RBFOX3: variants seen among roughly 807,000 people sequenced by gnomAD.
The protein encoded by RBFOX3 is RNA binding protein fox-1 homolog 3.
In RBFOX3, 17 loss-of-function variants were observed where a neutral mutation model predicts 48.7. The ratio of observed to expected loss-of-function variants is 0.35; its 90% CI spans 0.24 to 0.52. RBFOX3 has a LOEUF of 0.52. RBFOX3 is among the 20% of genes least tolerant of loss of function. The probability of loss-of-function intolerance (pLI) is 0.94; values close to 1 mark genes in which losing one functional copy is unlikely to be tolerated. For synonymous variants in RBFOX3, 212 were observed against 209.5 expected, an observed-to-expected ratio of 1.01 and a Z score of -0.10; for missense variants, 382 against 497.5, an observed-to-expected ratio of 0.77 and a Z score of 2.21.
At chr17:79,104,924 A>ACGGTGACCTGAACCCAGGCCCTGC (rs55759994) in intron 6 of RBFOX3, among the ~76,000 whole-genome samples, 142,267 of 152,100 alleles carry the variant, frequency 0.94, 66,778 homozygotes, top group Non-Finnish European at 0.98. Context: ...GTGCTGAGCA[A>ACGGTGACCTGAACCCAGGCCCTGC]CTGTTCAGGT....
chr17:79,465,083 C>T (rs1219498389), intron 2 of RBFOX3, among the ~76,000 whole-genome samples: 2 of 152,184 alleles, frequency 1.3e-5, no homozygotes, highest in African/African-American at 2.4e-5. Context: ...CTGCAAACCC[C>T]GAGTTAAACC....
chr17:79,544,990 A>AG, intron 1 of RBFOX3, among the ~76,000 whole-genome samples: 1 of 151,202 alleles, frequency 6.6e-6, no homozygotes, highest in African/African-American at 2.4e-5. Context: ...AAAAAAAAAA[A>AG]AAAAGAGAAA....
intron 3 of RBFOX3, among the ~76,000 whole-genome samples, chr17:79,268,506 C>A (rs951623970): frequency 1.6e-4 from 24 of 152,188 alleles, no homozygotes; most frequent in Non-Finnish European, 2.8e-4. Context: ...GGGGACGTCT[C>A]TTCTGCCCTC....
At chr17:79,266,443 G>T (rs2066720260) in intron 3 of RBFOX3, among the ~76,000 whole-genome samples, 1 of 152,164 alleles carries the variant, frequency 6.6e-6, no homozygotes, top group Non-Finnish European at 1.5e-5. Flanking sequence ...TTTCTTAGGG[G>T]GTATTATTCA....
chr17:79,582,969 C>T, intron 1 of RBFOX3, among the ~76,000 whole-genome samples: 1 of 152,094 alleles, frequency 6.6e-6, no homozygotes, highest in East Asian at 1.9e-4. Flanking sequence ...CCTCTGGTGC[C>T]CACTTCCGCC....
At chr17:79,656,815 G>GAA in the RBFOX3 span, among the ~76,000 whole-genome samples, 47 of 51,952 alleles carry the variant, frequency 9.0e-4, no homozygotes, top group African/African-American at 2.4e-3. Context: ...AGAAAAGAAA[G>GAA]AGAAAGAAAG....
At chr17:79,163,424 C>T (rs896716833) in intron 4 of RBFOX3, among the ~76,000 whole-genome samples, 11 of 152,216 alleles carry the variant, frequency 7.2e-5, no homozygotes, top group Non-Finnish European at 8.8e-5. Context: ...TGTGGTGGGG[C>T]AGAGTGGAGA....
intron 3 of RBFOX3, among the ~76,000 whole-genome samples, chr17:79,283,521 G>A (rs191775528): frequency 6.7e-6 from 1 of 150,126 alleles, no homozygotes; most frequent in East Asian, 1.9e-4. Flanking sequence ...TGCCCGCCTC[G>A]GCCTCCCAAA....
intron 2 of RBFOX3, among the ~76,000 whole-genome samples, chr17:79,339,418 C>T (rs952671485): frequency 6.6e-6 from 1 of 152,166 alleles, no homozygotes; most frequent in Non-Finnish European, 1.5e-5. Context: ...TTACCCATCG[C>T]CTACCTCAAG....
intron 4 of RBFOX3, among the ~76,000 whole-genome samples, chr17:79,173,982 T>C (rs1440661355): frequency 6.6e-6 from 1 of 151,996 alleles, no homozygotes; most frequent in Non-Finnish European, 1.5e-5. Context: ...CTGGATCTTC[T>C]GTTTCCTTTT....
intron 2 of RBFOX3, among the ~76,000 whole-genome samples, chr17:79,403,843 G>C (rs1048581397): frequency 1.0e-4 from 15 of 147,606 alleles, no homozygotes; most frequent in Admixed American, 2.7e-4. Flanking sequence ...ACAGTGGCGC[G>C]ATCTCGGCTC....
At chr17:79,333,632 A>C (rs2080745623) in intron 2 of RBFOX3, among the ~76,000 whole-genome samples, 1 of 152,170 alleles carries the variant, frequency 6.6e-6, no homozygotes, top group South Asian at 2.1e-4. Flanking sequence ...GCAGGAGAGG[A>C]AAGTCCTGGG....
intron 3 of RBFOX3, 115 bp from the exon 4 acceptor site, chr17:79,235,920 A>C (rs2061575407): frequency 6.5e-6 from 1 of 153,314 alleles, no homozygotes; most frequent in Non-Finnish European, 1.5e-5. Flanking sequence ...AGGTGGAAGC[A>C]TCATCTCCCT....
chr17:79,620,591 ACACG>A, the RBFOX3 span, among the ~76,000 whole-genome samples: 203 of 141,330 alleles, frequency 1.4e-3, 1 homozygote, highest in East Asian at 4.1e-3. Flanking sequence ...GCACGCACAC[ACACG>A]CACGCACGCA....
At position 79,204,712 on chromosome 17, in the gene RBFOX3, C is replaced by T. The variant is rs77302691; in HGVS notation, c.-34+31054G>A. ...GAAAGCTTCGTGGTGAGTGCCTTCA[C>T]TTAGGGTTGCCATTAGGAGATGCTG... On this transcript the variant is annotated intron_variant, in intron 4 of 14. Transcript: ENST00000693108. This position sits in a 1 kb window ranked among gnomAD's most constrained non-coding sequence, Gnocchi z 4.5. Among the ~76,000 whole-genome samples the T allele has an allele frequency of 1.4e-3, 212 of 152,236 alleles. 4 individuals carry two copies. The East Asian group carries it at 0.021, about 15-fold the overall frequency.
chr17:79,125,295 G>A (rs907149821), intron 4 of RBFOX3, among the ~76,000 whole-genome samples: 1 of 152,148 alleles, frequency 6.6e-6, no homozygotes. Context: ...CCAGGACCCT[G>A]TGCACTAGCC....
At chr17:79,586,249 C>T (rs1396314794) in intron 1 of RBFOX3, among the ~76,000 whole-genome samples, 3 of 152,322 alleles carry the variant, frequency 2.0e-5, no homozygotes, top group African/African-American at 4.8e-5. Context: ...ATTTCTGTCC[C>T]GGGACCCAGG....
chr17:79,657,240 G>T, the RBFOX3 span, among the ~76,000 whole-genome samples: 4 of 152,164 alleles, frequency 2.6e-5, no homozygotes, highest in Admixed American at 2.0e-4. Context: ...ATCCTCAGTG[G>T]CCTGTCCTAC....
At chr17:79,636,291 G>C in the RBFOX3 span, among the ~76,000 whole-genome samples, 1 of 151,998 alleles carries the variant, frequency 6.6e-6, no homozygotes, top group South Asian at 2.1e-4. Context: ...GTGTGTGTGT[G>C]CATGATTTTC....
Sources: gnomAD v4.1 joint callset for allele counts (sites outside exome capture counted in the v4.1 genomes callset) on GRCh38, gnomAD v4.1.1 for gene constraint, Gnocchi (gnomAD v3.1) non-coding constraint, MANE v1.5 for transcripts, NCBI Gene and HGNC (gene_info 2026-07-23, HGNC 2026-07-21) for gene names.